GABBR2: variants seen among roughly 807,000 people sequenced by gnomAD.
GABBR2 encodes the protein gamma-aminobutyric acid type B receptor subunit 2.
Under a neutral mutation model 105.6 loss-of-function variants are expected in GABBR2, and 23 were observed. The observed-to-expected ratio is 0.22, with a 90% CI of 0.16 to 0.31. GABBR2 has a LOEUF of 0.31. GABBR2 is among the 10% of genes least tolerant of loss of function. The pLI is 1.00. For synonymous variants in GABBR2, 478 were observed against 499.7 expected, an observed-to-expected ratio of 0.96 and a Z score of 0.58; for missense variants, 734 against 1,245.5, an observed-to-expected ratio of 0.59 and a Z score of 6.18.
intron 1 of GABBR2, among the ~76,000 whole-genome samples, chr9:98,656,846 A>T (rs182613849): frequency 6.6e-6 from 1 of 152,206 alleles, no homozygotes; most frequent in African/African-American, 2.4e-5. Flanking sequence ...ACATGGGGGA[A>T]GTCCAGACAA....
At chr9:98,651,697 G>A (rs777761667) in intron 1 of GABBR2, among the ~76,000 whole-genome samples, 1 of 152,166 alleles carries the variant, frequency 6.6e-6, no homozygotes, top group African/African-American at 2.4e-5. Flanking sequence ...CTCCCAAAGT[G>A]CTGGAATTAT....
chr9:98,352,381 G>C (rs1026741476), intron 13 of GABBR2, among the ~76,000 whole-genome samples: 1 of 152,218 alleles, frequency 6.6e-6, no homozygotes, highest in Admixed American at 6.5e-5. Context: ...GAGGTGGCTG[G>C]TCAGTCCTAA....
At chr9:98,692,443 G>A (rs983953354) in intron 1 of GABBR2, among the ~76,000 whole-genome samples, 9 of 152,316 alleles carry the variant, frequency 5.9e-5, no homozygotes, top group Middle Eastern at 3.4e-3. Flanking sequence ...GTGCATTCTC[G>A]TCCATGAAGC....
At chr9:98,670,212 A>G (rs1289842617) in intron 1 of GABBR2, among the ~76,000 whole-genome samples, 1 of 152,156 alleles carries the variant, frequency 6.6e-6, no homozygotes, top group African/African-American at 2.4e-5. Context: ...AATACTTTCT[A>G]GTATATTCAC....
intron 2 of GABBR2, among the ~76,000 whole-genome samples, chr9:98,575,470 G>C (rs1477818529): frequency 6.6e-6 from 1 of 152,194 alleles, no homozygotes; most frequent in Non-Finnish European, 1.5e-5. Flanking sequence ...CTGTGTGCCA[G>C]ACACAGCTCT....
chr9:98,635,503 C>T (rs1035566576), intron 1 of GABBR2, among the ~76,000 whole-genome samples: 1 of 152,174 alleles, frequency 6.6e-6, no homozygotes, highest in African/African-American at 2.4e-5. Context: ...GAACTACTGC[C>T]TAGAACTCTC....
At chr9:98,560,782 G>GTGTATA (rs1554717369) in intron 2 of GABBR2, among the ~76,000 whole-genome samples, 3 of 145,346 alleles carry the variant, frequency 2.1e-5, no homozygotes, top group Admixed American at 6.9e-5. Context: ...ATATAGTAGT[G>GTGTATA]TATATATATA....
intron 13 of GABBR2, among the ~76,000 whole-genome samples, chr9:98,346,833 T>A (rs746627621): frequency 2.0e-5 from 3 of 152,220 alleles, no homozygotes; most frequent in Non-Finnish European, 4.4e-5. Context: ...ACATGGTATT[T>A]ATCTTTCTGT....
chr9:98,296,408 T>C (rs1830383241), intron 17 of GABBR2, among the ~76,000 whole-genome samples: 1 of 152,172 alleles, frequency 6.6e-6, no homozygotes, highest in African/African-American at 2.4e-5. Context: ...TCTGCAGTAT[T>C]GTGTTACAGC....
rs569273948 is a variant in GABBR2 at position 98,462,985 on chromosome 9, T to A, written c.1000-8768A>T. 2.0e-5 allele frequency among the ~76,000 whole-genome samples: 3 copies of A among 152,228 alleles called. No individual in the cohort carries two copies. The South Asian group carries it at 6.2e-4, about 32-fold the overall frequency. Reference sequence around the variant, plus strand: ...CTCACTATAACCTCCGCCTCCTGGGTTCAAGCGATCCTCCTGCCTCAGCCT... The same window carrying A: ...CTCACTATAACCTCCGCCTCCTGGGATCAAGCGATCCTCCTGCCTCAGCCT... On this transcript the variant is annotated intron_variant, in intron 6 of 18. Transcript: ENST00000259455.
intron 11 of GABBR2, among the ~76,000 whole-genome samples, chr9:98,383,001 C>T (rs983530544): frequency 2.0e-4 from 30 of 152,000 alleles, no homozygotes; most frequent in Admixed American, 3.9e-4. Flanking sequence ...GGTGCCATGG[C>T]GTGATCTCGG....
intron 1 of GABBR2, among the ~76,000 whole-genome samples, chr9:98,635,281 G>A (rs1241684821): frequency 6.6e-6 from 1 of 152,180 alleles, no homozygotes; most frequent in African/African-American, 2.4e-5. Flanking sequence ...CACTGAGGTT[G>A]GGTGGGCACA....
intron 1 of GABBR2, among the ~76,000 whole-genome samples, chr9:98,642,384 C>T (rs1829976122): frequency 6.6e-6 from 1 of 152,244 alleles, no homozygotes; most frequent in Admixed American, 6.5e-5. Flanking sequence ...ACAGACTCCT[C>T]AGCAGTCTCT....
intron 1 of GABBR2, among the ~76,000 whole-genome samples, chr9:98,676,825 T>C (rs528781322): frequency 6.6e-6 from 1 of 152,334 alleles, no homozygotes; most frequent in East Asian, 1.9e-4. Context: ...GAGCCTCTTT[T>C]TTACAGCAGC....
intron 13 of GABBR2, among the ~76,000 whole-genome samples, chr9:98,340,227 T>G (rs74754646): frequency 6.6e-6 from 1 of 151,352 alleles, no homozygotes; most frequent in African/African-American, 2.4e-5. Context: ...TAGCAGACCC[T>G]GACTAATGCA....
At chr9:98,379,781 A>G (rs568873920) in intron 11 of GABBR2, among the ~76,000 whole-genome samples, 2 of 152,258 alleles carry the variant, frequency 1.3e-5, no homozygotes, top group African/African-American at 2.4e-5. Flanking sequence ...TATCATCCCC[A>G]TTTTACAGAA....
chr9:98,360,231 T>C (rs1831559053), intron 13 of GABBR2, among the ~76,000 whole-genome samples: 1 of 152,136 alleles, frequency 6.6e-6, no homozygotes, highest in African/African-American at 2.4e-5. Context: ...CCTCAGGCCC[T>C]GGGCACACTG....
At chr9:98,300,708 G>C (rs1698706015) in intron 16 of GABBR2, among the ~76,000 whole-genome samples, 1 of 152,136 alleles carries the variant, frequency 6.6e-6, no homozygotes, top group South Asian at 2.1e-4. Context: ...CACTCTCTCT[G>C]ACCTTCTCCT....
chr9:98,639,720 C>G (rs771513314), intron 1 of GABBR2, among the ~76,000 whole-genome samples: 1 of 152,112 alleles, frequency 6.6e-6, no homozygotes, highest in East Asian at 1.9e-4. Flanking sequence ...GAAGCCTGTT[C>G]CCAGAGATCC....
Sources: gnomAD v4.1 joint callset for allele counts (sites outside exome capture counted in the v4.1 genomes callset) on GRCh38, gnomAD v4.1.1 for gene constraint, MANE v1.5 for transcripts, NCBI Gene and HGNC (gene_info 2026-07-23, HGNC 2026-07-21) for gene names.